TPH2: variants seen among roughly 807,000 people sequenced by gnomAD.
TPH2 encodes the protein tryptophan 5-hydroxylase 2.
A neutral mutation model predicts 59.1 loss-of-function variants in TPH2; 27 were observed. The ratio of observed to expected loss-of-function variants is 0.46; its 90% confidence interval spans 0.34 to 0.63. The LOEUF is 0.63. Ranked by LOEUF, TPH2 falls within the 30% of genes least tolerant of loss-of-function variation. TPH2 has a pLI of 0.01. For missense variants in TPH2, 523 were observed against 588.3 expected, an observed-to-expected ratio of 0.89 and a Z score of 1.15; for synonymous variants, 220 against 210.5, an observed-to-expected ratio of 1.05 and a Z score of -0.39.
Position 71,941,615 on chromosome 12 carries a change from A to G in TPH2, c.137A>G (p.Asp46Gly). Residue 46 changes from aspartate (D) to glycine (G), a missense_variant, in exon 2 of 11, where the codon GAC (aspartate) becomes GGC (glycine). By Grantham distance (94) the Asp-to-Gly change is moderately conservative (BLOSUM62 -1). Coordinates refer to ENST00000333850, the MANE Select transcript of TPH2 (RefSeq NM_173353.4). ...LNKPNSGKND[D>G]KGNKGSSKRE... ...AAACCTAACTCTGGCAAAAATGACG[A>G]CAAAGGCAACAAGGGAAGCAGCAAA... The G allele has an allele frequency of 6.2e-7, 1 of 1,614,076 alleles. No homozygotes were observed. Among genetic ancestry groups the G allele is most frequent in the Non-Finnish European group, 8.5e-7 (1 of 1,179,966 alleles).
chr12:71,988,062 T>C (rs1872489168), intron 7 of TPH2, among the ~76,000 whole-genome samples: 1 of 152,180 alleles, frequency 6.6e-6, no homozygotes, highest in African/African-American at 2.4e-5. Context: ...GGCTATTATA[T>C]TGCATGGTGC....
At chr12:71,945,672 C>G (rs1871181465) in intron 4 of TPH2, among the ~76,000 whole-genome samples, 1 of 152,048 alleles carries the variant, frequency 6.6e-6, no homozygotes, top group African/African-American at 2.4e-5. Flanking sequence ...TTTAACAAGC[C>G]CGCCCTTAAG....
intron 3 of TPH2, 36 bp downstream of exon 3, chr12:71,944,513 A>G: frequency 6.2e-7 from 1 of 1,613,860 alleles, no homozygotes; most frequent in African/African-American, 1.3e-5. Flanking sequence ...TAACTTTGCA[A>G]TCTGACAAAT....
intron 5 of TPH2, among the ~76,000 whole-genome samples, chr12:71,969,982 T>C (rs1871927030): frequency 6.6e-6 from 1 of 152,198 alleles, no homozygotes; most frequent in Non-Finnish European, 1.5e-5. Flanking sequence ...CTTAAACATA[T>C]GCCTGGCACA....
chr12:72,011,742 C>T (rs1021805186), intron 8 of TPH2, among the ~76,000 whole-genome samples: 1 of 152,168 alleles, frequency 6.6e-6, no homozygotes, highest in African/African-American at 2.4e-5. Flanking sequence ...CACTTAACTA[C>T]AAAACTGCTG....
intron 8 of TPH2, among the ~76,000 whole-genome samples, chr12:72,011,481 G>T (rs1873097508): frequency 6.6e-6 from 1 of 152,134 alleles, no homozygotes; most frequent in Non-Finnish European, 1.5e-5. Context: ...TGAAGGTCTG[G>T]GCAGTGATGC....
At chr12:72,022,800 G>A (rs966665426) in intron 9 of TPH2, among the ~76,000 whole-genome samples, 2 of 152,182 alleles carry the variant, frequency 1.3e-5, no homozygotes, top group African/African-American at 4.8e-5. Flanking sequence ...GCTAAAAAGT[G>A]GGCCATGAGC....
chr12:71,949,865 G>A (rs1871296939), intron 5 of TPH2, among the ~76,000 whole-genome samples: 1 of 152,058 alleles, frequency 6.6e-6, no homozygotes, highest in Non-Finnish European at 1.5e-5. Flanking sequence ...TGAGCCACAT[G>A]CCAAGTGCTA....
intron 9 of TPH2, among the ~76,000 whole-genome samples, chr12:72,028,605 T>G (rs1873632632): frequency 6.6e-6 from 1 of 152,154 alleles, no homozygotes; most frequent in African/African-American, 2.4e-5. Flanking sequence ...CTTCATTTGT[T>G]GGCTTCATTC....
At chr12:71,990,056 C>G (rs1872546005) in intron 7 of TPH2, among the ~76,000 whole-genome samples, 1 of 151,274 alleles carries the variant, frequency 6.6e-6, no homozygotes, top group Non-Finnish European at 1.5e-5. Context: ...GAAAAGGACT[C>G]TAAAAAGCAT....
rs1160090652 is a variant in TPH2 at position 71,939,082 on chromosome 12, C to T, written c.96C>T (p.Gly32=). ...TGCCCGAAGAGCATCAGCTACTTGG[C>T]AGCTCAACAGTGAGTACTACGTACC... The part of the protein sequence containing the change: ...SAVPEEHQLL[G]SSTLNKPNSG... Residue 32 remains glycine (G), a synonymous_variant, in exon 1 of 11, where the codon GGC becomes GGT. Coordinates refer to ENST00000333850, the MANE Select transcript of TPH2 (RefSeq NM_173353.4). 1 of 1,613,388 alleles carries T rather than the reference C, an allele frequency of 6.2e-7. No homozygotes were observed. The highest frequency in any genetic ancestry group is 8.5e-7 in the Non-Finnish European group (1 of 1,179,496).
intron 5 of TPH2, among the ~76,000 whole-genome samples, chr12:71,958,016 A>G (rs2139191960): frequency 6.6e-6 from 1 of 152,302 alleles, no homozygotes; most frequent in South Asian, 2.1e-4. Flanking sequence ...CTGTCATTTA[A>G]CCACACAACG....
Position 71,981,968 on chromosome 12 carries a change from G to C in TPH2, c.941+2881G>C, listed in dbSNP as rs191786826. Among the ~76,000 whole-genome samples, 604 of 133,404 alleles carry C rather than the reference G, an allele frequency of 4.5e-3. 4 individuals are homozygous for C. Among genetic ancestry groups the C allele is most frequent in the South Asian group, 7.6e-3 (32 of 4,202 alleles). 87.5% of individuals were successfully genotyped at this position (133,404 alleles called of 152,430 possible). The stretch of plus-strand genomic sequence containing the variant: ...GAAACTTGGGATTCACTCACTTGGG[G>C]TTGTTTTTACAAGCCCTTTATTTTT... On this transcript the variant is annotated intron_variant, in intron 7 of 10. Coordinates refer to ENST00000333850, the MANE Select transcript of TPH2 (RefSeq NM_173353.4).
At position 71,972,732 on chromosome 12, in the gene TPH2, GCTGT is replaced by G. The variant is rs1566132697; in HGVS notation, c.805+20_805+23del. The G allele has an allele frequency of 1.9e-6, 3 of 1,611,432 alleles. No individual in the cohort carries two copies. In the South Asian group the frequency reaches 3.3e-5, roughly 18 times the overall value. On this transcript the variant is annotated intron_variant, in intron 6 of 10. Transcript: ENST00000333850. ...TTCTGAAAGGTAAGATTTCACACAG[GCTGT>G]CTCTTATTAGTCAATATCCTCAATT...
intron 8 of TPH2, among the ~76,000 whole-genome samples, chr12:72,015,469 A>G (rs923713083): frequency 5.3e-5 from 8 of 151,272 alleles, no homozygotes; most frequent in African/African-American, 1.2e-4. Flanking sequence ...ACAGGTGCCC[A>G]CCACCACGCC....
At chr12:71,951,074 C>T (rs1871332326) in intron 5 of TPH2, among the ~76,000 whole-genome samples, 1 of 152,188 alleles carries the variant, frequency 6.6e-6, no homozygotes, top group Admixed American at 6.5e-5. Flanking sequence ...TTTCCCCTCT[C>T]TACTGTGACT....
chr12:71,945,387 G>T (rs1319557383), intron 4 of TPH2, among the ~76,000 whole-genome samples: 1 of 152,050 alleles, frequency 6.6e-6, no homozygotes, highest in Non-Finnish European at 1.5e-5. Context: ...ACAGTTAATA[G>T]TCTGGGAGAA....
chr12:72,006,840 T>A (rs778221840), intron 8 of TPH2, among the ~76,000 whole-genome samples: 1 of 152,146 alleles, frequency 6.6e-6, no homozygotes, highest in Admixed American at 6.5e-5. Context: ...CTAATGATAC[T>A]ATACAATCTT....
rs1311102668 is a variant in TPH2 at position 71,962,552 on chromosome 12, T to TA, written c.609-9966dup. ...AATTGGAGGCTACCAGAAAGTTTGTTACAATCCTGAATCTTTGCTTTTTGC... is the reference window on the plus strand; with the variant it reads ...AATTGGAGGCTACCAGAAAGTTTGTTAACAATCCTGAATCTTTGCTTTTTGC... On this transcript the variant is annotated intron_variant, in intron 5 of 10. Coordinates refer to ENST00000333850, the MANE Select transcript of TPH2 (RefSeq NM_173353.4). 20 of 985,194 alleles carry TA rather than the reference T, an allele frequency of 2.0e-5. No individual in the cohort carries two copies. In the African/African-American group the frequency reaches 3.5e-4, roughly 17 times the overall value. 61.0% of individuals were successfully genotyped at this position (985,194 alleles called of 1,614,324 possible). A position where few individuals can be genotyped will look rare whatever the true frequency, so the allele number is the denominator to read the frequency against.
Sources: gnomAD v4.1 joint callset for allele counts (sites outside exome capture counted in the v4.1 genomes callset) on GRCh38, gnomAD v4.1.1 for gene constraint, MANE v1.5 for transcripts, NCBI Gene and HGNC (gene_info 2026-07-23, HGNC 2026-07-21) for gene names.